Variants in GPC3 observed in about 807,000 individuals in gnomAD.
GPC3 encodes the protein glypican 3, also known as glypican-3.
Under a neutral mutation model 34.4 loss-of-function variants are expected in GPC3, and 3 were observed. The ratio of observed to expected loss-of-function variants is 0.09; its 90% confidence interval spans 0.04 to 0.23. The LOEUF (loss-of-function observed/expected upper bound fraction) is 0.23. GPC3 is among the 10% of genes least tolerant of loss of function. The pLI, the probability that GPC3 is intolerant of heterozygous loss-of-function variation, is 1.00. For synonymous variants in GPC3, 177 were observed against 174.0 expected (o/e 1.02, Z -0.13); for missense variants, 351 against 445.6 (o/e 0.79, Z 1.91).
intron 2 of GPC3, among the ~76,000 whole-genome samples, chrX:133,787,508 T>G (rs923035869): frequency 4.5e-5 from 5 of 112,155 alleles, no homozygotes. Context: ...GAAGAACCCC[T>G]AGGAATTCAA....
At chrX:133,916,520 A>AC (rs1170038813) in intron 2 of GPC3, among the ~76,000 whole-genome samples, 1 of 110,819 alleles carries the variant, frequency 9.0e-6, no homozygotes. Flanking sequence ...CCACTGTCTA[A>AC]CCCCCCCATA....
intron 6 of GPC3, among the ~76,000 whole-genome samples, chrX:133,629,192 T>C (rs942886922): frequency 7.2e-5 from 8 of 111,785 alleles, no homozygotes; most frequent in Non-Finnish European, 1.5e-4. Flanking sequence ...TGGGCCTCCA[T>C]GGATCATCTT....
chrX:133,796,033 C>T (rs1193955911), intron 2 of GPC3, among the ~76,000 whole-genome samples: 1 of 105,721 alleles, frequency 9.5e-6, no homozygotes, highest in Non-Finnish European at 1.9e-5. Flanking sequence ...GCAAGCTCCG[C>T]CTCCCGGGTT....
At chrX:133,891,782 G>A (rs1441626034) in intron 2 of GPC3, among the ~76,000 whole-genome samples, 1 of 94,849 alleles carries the variant, frequency 1.1e-5, no homozygotes, top group Non-Finnish European at 2.1e-5. Flanking sequence ...CTGGGCGACA[G>A]AGCTAAGACC....
At chrX:133,837,417 A>G (rs1299158754) in intron 2 of GPC3, among the ~76,000 whole-genome samples, 1 of 112,169 alleles carries the variant, frequency 8.9e-6, no homozygotes, top group Non-Finnish European at 1.9e-5. Flanking sequence ...TATGAAATAC[A>G]TGGGAGGAAT....
intron 6 of GPC3, among the ~76,000 whole-genome samples, chrX:133,644,121 C>T (rs755480188): frequency 2.7e-5 from 3 of 110,336 alleles, no homozygotes; most frequent in African/African-American, 9.9e-5. Flanking sequence ...CCACCGAGCC[C>T]GGCCTTATTT....
chrX:133,839,060 T>A (rs1031013702), intron 2 of GPC3, among the ~76,000 whole-genome samples: 5 of 111,504 alleles, frequency 4.5e-5, no homozygotes, highest in African/African-American at 1.6e-4. Context: ...GGACTTTATC[T>A]CTCAGGATCA....
At chrX:133,911,440 C>T (rs1027910768) in intron 2 of GPC3, among the ~76,000 whole-genome samples, 5 of 111,649 alleles carry the variant, frequency 4.5e-5, no homozygotes, top group Admixed American at 2.9e-4. Flanking sequence ...TATCCAGGCG[C>T]TCAGATTTTT....
intron 2 of GPC3, among the ~76,000 whole-genome samples, chrX:133,764,990 T>G (rs930708242): frequency 3.6e-5 from 4 of 111,821 alleles, no homozygotes; most frequent in African/African-American, 1.3e-4. Context: ...CACTCTTAGA[T>G]TTTTTAGTTC....
intron 3 of GPC3, among the ~76,000 whole-genome samples, chrX:133,745,052 C>A (rs1052612638): frequency 9.0e-6 from 1 of 111,138 alleles, no homozygotes; most frequent in Non-Finnish European, 1.9e-5. Flanking sequence ...AGGAGAAATA[C>A]CTAATGTAGA....
rs140041759 is a variant in GPC3 at position 133,724,219 on chromosome X, G to A, written c.1033-24191C>T. Among the ~76,000 whole-genome samples the A allele has an allele frequency of 3.0e-3, 331 of 112,087 alleles. 1 individual carries two copies. Among genetic ancestry groups the A allele is most frequent in the Non-Finnish European group, 5.4e-3 (289 of 53,234 alleles). On this transcript the variant is annotated intron_variant, in intron 3 of 7. Coordinates refer to ENST00000370818, the MANE Select transcript of GPC3 (RefSeq NM_004484.4). ...GATCTACAACTTCAAAGCCTAATGC[G>A]TTTGCTCGCAGTCTTTACTTGAGGA...
intron 6 of GPC3, among the ~76,000 whole-genome samples, chrX:133,653,031 A>G (rs2070618087): frequency 8.9e-6 from 1 of 112,109 alleles, no homozygotes; most frequent in African/African-American, 3.2e-5. Flanking sequence ...CCCACAGTTC[A>G]TTTTAGAAAG....
chrX:133,569,851 T>A (rs2069610880), intron 7 of GPC3, among the ~76,000 whole-genome samples: 1 of 111,059 alleles, frequency 9.0e-6, no homozygotes, highest in Non-Finnish European at 1.9e-5. Flanking sequence ...ATTTTGGTTA[T>A]GCTAGAAACA....
intron 5 of GPC3, among the ~76,000 whole-genome samples, chrX:133,679,753 C>T (rs2070921383): frequency 9.0e-6 from 1 of 111,156 alleles, no homozygotes; most frequent in African/African-American, 3.3e-5. Context: ...CTCTCGGGTT[C>T]AAGCAATCTT....
chrX:133,787,354 T>G (rs957316079), intron 2 of GPC3, among the ~76,000 whole-genome samples: 1 of 112,467 alleles, frequency 8.9e-6, no homozygotes, highest in Non-Finnish European at 1.9e-5. Flanking sequence ...ACTAGTTAGG[T>G]TCTGGTGGGC....
rs940140357 is a variant in GPC3, at chrX:133,831,096, A to G, written c.338-76920T>C. On this transcript the variant is annotated intron_variant, in intron 2 of 7. Coordinates refer to ENST00000370818, the MANE Select transcript of GPC3 (RefSeq NM_004484.4). Reference sequence around the variant, plus strand: ...CAGAATAGACCAGTGGTTACTAGGGATTAGGTTTGAGGGAAGAGTGTGACT... The same window carrying G: ...CAGAATAGACCAGTGGTTACTAGGGGTTAGGTTTGAGGGAAGAGTGTGACT... Among the ~76,000 whole-genome samples, 38 of 111,922 alleles carry G rather than the reference A, an allele frequency of 3.4e-4. No individual in the cohort carries two copies. The Admixed American group carries it at 3.5e-3, about 10-fold the overall frequency.
intron 7 of GPC3, among the ~76,000 whole-genome samples, chrX:133,564,220 A>G (rs991808793): frequency 2.7e-5 from 3 of 111,432 alleles, no homozygotes; most frequent in African/African-American, 9.8e-5. Context: ...AATCAGGACT[A>G]GTGTGTTTTT....
At chrX:133,862,023 G>A (rs181296350) in intron 2 of GPC3, among the ~76,000 whole-genome samples, 177 of 110,895 alleles carry the variant, frequency 1.6e-3, no homozygotes, top group Non-Finnish European at 2.3e-3. Flanking sequence ...TATGGTGCTT[G>A]CATTTCCATT....
At chrX:133,638,821 TAAA>T (rs781612003) in intron 6 of GPC3, among the ~76,000 whole-genome samples, 5 of 72,735 alleles carry the variant, frequency 6.9e-5, no homozygotes, top group East Asian at 3.8e-4. Context: ...GCTGATGAGC[TAAA>T]AAAAAAAAAA....
Sources: gnomAD v4.1 joint callset for allele counts (sites outside exome capture counted in the v4.1 genomes callset) on GRCh38, gnomAD v4.1.1 for gene constraint, MANE v1.5 for transcripts, NCBI Gene and HGNC (gene_info 2026-07-23, HGNC 2026-07-21) for gene names.